Variants in ANKLE1 observed in about 807,000 individuals in gnomAD.
ANKLE1 encodes structure-specific endonuclease ANKLE1.
A neutral mutation model predicts 56.2 loss-of-function variants in ANKLE1; 59 were observed. That is an observed-to-expected ratio of 1.05 (90% CI 0.85 to 1.30). The LOEUF is 1.30. ANKLE1 is among the 50% of genes most tolerant of loss of function. ANKLE1 has a pLI of 0.00. For synonymous variants in ANKLE1, 341 were observed against 352.9 expected (o/e 0.97, Z 0.38); for missense variants, 771 against 816.1 (o/e 0.94, Z 0.67).
rs1343565100 is a variant in ANKLE1 at position 17,287,238 on chromosome 19, G to A, written c.*686G>A. The A allele has an allele frequency of 6.6e-6, 1 of 152,148 alleles. No homozygotes were observed. The highest frequency in any genetic ancestry group is 1.5e-5 in the Non-Finnish European group (1 of 68,046). 9.4% of individuals were successfully genotyped at this position (152,148 alleles called of 1,614,324 possible). The stretch of plus-strand genomic sequence containing the variant: ...CTAAGGTCAGGAGTTCAAGACCAGC[G>A]TGGCCAACGTGGCGAAACCCTATCT... On this transcript the variant is annotated 3_prime_UTR_variant, in exon 9 of 9. Transcript: ENST00000404085.
In ANKLE1 at chr19:17,282,155, G is replaced by C; in HGVS notation, c.161G>C (p.Arg54Pro). Reference protein sequence around the residue: ...VHLAAGARHPRGLRCLGALLR... With the variant: ...VHLAAGARHPPGLRCLGALLR... ...TTGGCGGCCGGAGCCCGGCACCCGC[G>C]CGGCCTGCGTTGCCTCGGGGCCCTA... The change falls in exon 2 of 9, where the codon CGC (arginine) becomes CCC (proline). Residue 54 changes from arginine to proline, a missense_variant. Arg to Pro is a moderately radical substitution (Grantham distance 103, BLOSUM62 -2). Transcript: ENST00000404085. 5.9e-6 allele frequency: 9 copies of C among 1,537,314 alleles called. No homozygotes were observed. The highest frequency in any genetic ancestry group is 7.9e-6 in the Non-Finnish European group (9 of 1,144,982).
rs760333267 is a variant in ANKLE1 at position 17,286,644 on chromosome 19, AG to A, written c.*96del. On this transcript the variant is annotated 3_prime_UTR_variant, in exon 9 of 9. Transcript: ENST00000404085. ...AGCAGCCCCCATCTCTGGTTTCAGA[AG>A]GGGTGTGTGTGTGTGTGTGTGTGTG... is the stretch of plus-strand genomic sequence containing the variant. 2.0e-6 allele frequency: 3 copies of A among 1,483,970 alleles called. No homozygotes were observed. Among genetic ancestry groups the A allele is most frequent in the East Asian group, 5.7e-5 (2 of 35,188 alleles). The allele number at this position is 1,483,970 out of a possible 1,614,324, so 91.9% of individuals were successfully genotyped here. A position where few individuals can be genotyped will look rare whatever the true frequency, so the allele number is the denominator to read the frequency against.
chr19:17,284,034 C>T, intron 5 of ANKLE1, 55 bp from the exon 6 acceptor site: 1 of 1,604,078 alleles, frequency 6.2e-7, no homozygotes, highest in East Asian at 2.2e-5. Context: ...GCTCTCAGCC[C>T]CACTTTCCTC....
chr19:17,286,355 G>A, intron 8 of ANKLE1, 25 bp from the exon 9 acceptor site: 1 of 1,533,718 alleles, frequency 6.5e-7, no homozygotes, highest in Middle Eastern at 2.4e-4. Context: ...GGCTGCCCCT[G>A]TGACCCCACA....
Position 17,281,925 on chromosome 19 carries a change from G to A in ANKLE1, c.5G>A (p.Cys2Tyr). ...CGCTTCGGACCCAGCCAGGGCATGTGCTCGGAGGCCCGCCTGGCTCGCAGG... is the reference window on the plus strand; with the variant it reads ...CGCTTCGGACCCAGCCAGGGCATGTACTCGGAGGCCCGCCTGGCTCGCAGG... M[C>Y]SEARLARRLR... Residue 2 changes from cysteine to tyrosine, a missense_variant, in exon 1 of 9, where the codon TGC becomes TAC. Coordinates refer to ENST00000404085, the MANE Select transcript of ANKLE1 (RefSeq NM_152363.6). The A allele has an allele frequency of 1.3e-6, 2 of 1,534,836 alleles. No individual in the cohort carries two copies. Among genetic ancestry groups the A allele is most frequent in the Non-Finnish European group, 1.7e-6 (2 of 1,145,914 alleles).
intron 2 of ANKLE1, 99 bp downstream of exon 2, chr19:17,282,308 G>C: frequency 7.1e-7 from 1 of 1,414,440 alleles, no homozygotes; most frequent in Non-Finnish European, 9.3e-7. Context: ...CTCGGGGCTC[G>C]AGGGTGGGGT....
In ANKLE1 at chr19:17,282,745, C is replaced by G. The variant is rs1253559311; in HGVS notation, c.305C>G (p.Pro102Arg). 1 of 1,543,874 alleles carries G rather than the reference C, an allele frequency of 6.5e-7. No individual in the cohort carries two copies. The highest frequency in any genetic ancestry group is 1.9e-5 in the Admixed American group (1 of 51,436). The change falls in exon 3 of 9, where the codon CCG (proline) becomes CGG (arginine). Residue 102 changes from proline (P) to arginine (R), a missense_variant. By Grantham distance (103) the Pro-to-Arg change is moderately radical (BLOSUM62 -2). Coordinates refer to ENST00000404085, the MANE Select transcript of ANKLE1 (RefSeq NM_152363.6). The stretch of plus-strand genomic sequence containing the variant: ...CTGCTGCTGAGCCAAGGAGCGGACC[C>G]GGCGCTGCGCGACCAGGTTGGGAGG... ...LELLLSQGAD[P>R]ALRDQDGLRP...
At chr19:17,285,934 C>G (rs961905624) in intron 8 of ANKLE1, 115 bp downstream of exon 8, 8 of 1,391,654 alleles carry the variant, frequency 5.7e-6, no homozygotes, top group Non-Finnish European at 7.8e-6. Context: ...TATTGAGCAC[C>G]AACTTTGAAC....
rs1054078520 is a variant in ANKLE1 at position 17,282,714 on chromosome 19, C to CTG, written c.275_276dup (p.Glu93TrpfsTer5). The CTG allele has an allele frequency of 1.3e-6, 2 of 1,538,484 alleles. No homozygotes were observed. Among genetic ancestry groups the CTG allele is most frequent in the African/African-American group, 2.7e-5 (2 of 73,162 alleles). ...CGCCGCGTGGGGCTGCCGCCGCGGC[C>CTG]TGGAGCTGCTGCTGAGCCAAGGAGC... On this transcript the variant is annotated frameshift_variant, in exon 3 of 9. Transcript: ENST00000404085. LOFTEE classifies it high-confidence loss of function.
Position 17,287,460 on chromosome 19 carries a change from A to G in ANKLE1, c.*908A>G, listed in dbSNP as rs8103523. Reference sequence around the variant, plus strand: ...AAACAAACAAAAAAACAAATGCCACATCAACATCAGGACGTTAACCTTTAG... The same window carrying G: ...AAACAAACAAAAAAACAAATGCCACGTCAACATCAGGACGTTAACCTTTAG... On this transcript the variant is annotated 3_prime_UTR_variant, in exon 9 of 9. Coordinates refer to ENST00000404085, the MANE Select transcript of ANKLE1 (RefSeq NM_152363.6). 0.77 allele frequency: 116,846 copies of G among 151,646 alleles called. 46,186 individuals are homozygous for G. The highest frequency in any genetic ancestry group is 0.81 in the Non-Finnish European group (55,148 of 67,996). The allele number at this position is 151,646 out of a possible 1,614,324, so 9.4% of individuals were successfully genotyped here.
At chr19:17,283,192 C>T (rs1334076114) in intron 4 of ANKLE1, 33 bp from the exon 5 acceptor site, 3 of 1,584,620 alleles carry the variant, frequency 1.9e-6, no homozygotes, top group African/African-American at 1.4e-5. Context: ...CATCCCTCCT[C>T]CTCTCCTCTC....
Position 17,282,900 on chromosome 19 carries a change from G to T in ANKLE1, c.358G>T (p.Gly120Ter). The change falls in exon 4 of 9, where the codon GGA becomes TGA. Residue 120 changes from glycine (G) to a stop codon, truncating the protein, a stop_gained. Transcript: ENST00000404085. LOFTEE classifies it high-confidence loss of function. ...GCCGCTGGACCTGGCCCTGCAGCAG[G>T]GACACCTGGAGTGCGCGCGAGTCCT... ...LRPLDLALQQ[G>*]HLECARVLQD... 1 of 1,577,564 alleles carries T rather than the reference G, an allele frequency of 6.3e-7. No homozygotes were observed.
In ANKLE1 at chr19:17,282,112, G is replaced by A; in HGVS notation, c.118G>A (p.Gly40Ser). The A allele has an allele frequency of 6.5e-7, 1 of 1,541,618 alleles. No individual in the cohort carries two copies. Among genetic ancestry groups the A allele is most frequent in the Non-Finnish European group, 8.7e-7 (1 of 1,146,602 alleles). The change falls in exon 2 of 9, where the codon GGC becomes AGC. Residue 40 changes from glycine (G) to serine (S), a missense_variant. Coordinates refer to ENST00000404085, the MANE Select transcript of ANKLE1 (RefSeq NM_152363.6). Reference sequence around the variant, plus strand: ...GGACCCTAATTTGGTGCTAGAGGACGGCGCAGCGGCTGTGCACTTGGCGGC... The same window carrying A: ...GGACCCTAATTTGGTGCTAGAGGACAGCGCAGCGGCTGTGCACTTGGCGGC... ...GADPNLVLED[G>S]AAAVHLAAGA...
In ANKLE1 at chr19:17,283,487, TG is replaced by T. The variant is rs760295478; in HGVS notation, c.726del (p.Ser243HisfsTer29). On this transcript the variant is annotated frameshift_variant, in exon 5 of 9. Transcript: ENST00000404085. LOFTEE classifies it high-confidence loss of function. Reference protein sequence around the residue: ...DPASDTPPWAGSLPPTRQGLL... With the variant: ...DPASDTPPWAXSLPPTRQGLL... ...CAGCCTCGGACACTCCCCCCTGGGC[TG>T]GGTCATTGCCACCGACCAGGCAGGG... 3 of 1,613,032 alleles carry T rather than the reference TG, an allele frequency of 1.9e-6. No individual in the cohort carries two copies. In the African/African-American group the frequency reaches 4.0e-5, roughly 22 times the overall value.
rs1056447100 is a variant in ANKLE1 at position 17,286,694 on chromosome 19, G to A, written c.*142G>A. ...TGTGTGTGTGTGTGTGTGTGTGTTT[G>A]TGTGTGTGTGTGTGTGTGTAGGGAG... is the stretch of plus-strand genomic sequence containing the variant. On this transcript the variant is annotated 3_prime_UTR_variant, in exon 9 of 9. Transcript: ENST00000404085. 1 of 1,317,918 alleles carries A rather than the reference G, an allele frequency of 7.6e-7. No individual in the cohort carries two copies. The highest frequency in any genetic ancestry group is 4.4e-5 in the East Asian group (1 of 22,630). The allele number at this position is 1,317,918 out of a possible 1,614,324, so 81.6% of individuals were successfully genotyped here. A position where few individuals can be genotyped will look rare whatever the true frequency, so the allele number is the denominator to read the frequency against.
rs2073999542 is a variant in ANKLE1 at position 17,283,586 on chromosome 19, T to C, written c.822T>C (p.Arg274=). 1.2e-6 allele frequency: 2 copies of C among 1,612,254 alleles called. No individual in the cohort carries two copies. Among genetic ancestry groups the C allele is most frequent in the Non-Finnish European group, 1.7e-6 (2 of 1,179,188 alleles). ...GCACGGAGGCAGAACTGAATGCCCG[T>C]CTGCAGGCCCTGACTCTGACCCCAC... ...SQGTEAELNA[R]LQALTLTPPN... is the part of the protein sequence containing the mutation. The change falls in exon 5 of 9, where the codon CGT becomes CGC. Residue 274 remains arginine, a synonymous_variant. Coordinates refer to ENST00000404085, the MANE Select transcript of ANKLE1 (RefSeq NM_152363.6).
rs1370941628 is a variant in ANKLE1 at position 17,282,186 on chromosome 19, C to T, written c.192C>T (p.Arg64=). ...RGLRCLGALL[R]QGGDPNARSV... Reference sequence around the variant, plus strand: ...TGCGTTGCCTCGGGGCCCTACTGCGCCAAGGCGGGGACCCCAACGCTCGGT... The same window carrying T: ...TGCGTTGCCTCGGGGCCCTACTGCGTCAAGGCGGGGACCCCAACGCTCGGT... The change falls in exon 2 of 9, where the codon CGC becomes CGT. Residue 64 remains arginine (R), a synonymous_variant. Coordinates refer to ENST00000404085, the MANE Select transcript of ANKLE1 (RefSeq NM_152363.6). 2.6e-6 allele frequency: 4 copies of T among 1,522,662 alleles called. No homozygotes were observed. The highest frequency in any genetic ancestry group is 3.5e-6 in the Non-Finnish European group (4 of 1,138,498). 94.3% of individuals were successfully genotyped at this position (1,522,662 alleles called of 1,614,324 possible). A position where few individuals can be genotyped will look rare whatever the true frequency, so the allele number is the denominator to read the frequency against.
chr19:17,283,028 G>C, intron 4 of ANKLE1, 26 bp downstream of exon 4: 2 of 1,550,548 alleles, frequency 1.3e-6, no homozygotes, highest in South Asian at 1.2e-5. Context: ...AGGGCTGCTG[G>C]GGCTTGACTT....
In ANKLE1 at chr19:17,282,205, G is replaced by C; in HGVS notation, c.211G>C (p.Ala71Pro). The C allele has an allele frequency of 6.6e-7, 1 of 1,508,590 alleles. No individual in the cohort carries two copies. Among genetic ancestry groups the C allele is most frequent in the Non-Finnish European group, 8.8e-7 (1 of 1,132,660 alleles). 93.5% of individuals were successfully genotyped at this position (1,508,590 alleles called of 1,614,324 possible). A position where few individuals can be genotyped will look rare whatever the true frequency, so the allele number is the denominator to read the frequency against. Residue 71 changes from alanine (A) to proline (P), a missense_variant, in exon 2 of 9, where the codon GCT (alanine) becomes CCT (proline). Transcript: ENST00000404085. ...ALLRQGGDPN[A>P]RSVEALTPLH... ...ACTGCGCCAAGGCGGGGACCCCAAC[G>C]CTCGGTAAGATAGAGCCTGGGTCCG... is the stretch of plus-strand genomic sequence containing the variant.
Sources: gnomAD v4.1 joint callset for allele counts on GRCh38, gnomAD v4.1.1 for gene constraint, MANE v1.5 for transcripts, NCBI Gene and HGNC (gene_info 2026-07-23, HGNC 2026-07-21) for gene names.